KLHL32: variants seen among roughly 807,000 people sequenced by gnomAD.
KLHL32 encodes the protein kelch-like protein 32.
In KLHL32, 35 loss-of-function variants were observed where a neutral mutation model predicts 64.8. That is an observed-to-expected ratio of 0.54 (90% CI 0.41 to 0.72). The LOEUF is 0.72. Ranked by LOEUF, KLHL32 falls within the 30% of genes least tolerant of loss-of-function variation. The pLI is 0.00. For missense variants in KLHL32, 589 were observed against 768.5 expected (o/e 0.77, Z 2.76); for synonymous variants, 259 against 281.0 (o/e 0.92, Z 0.78).
intron 3 of KLHL32, among the ~76,000 whole-genome samples, chr6:96,988,735 A>C (rs13206466): frequency 0.31 from 46,316 of 151,324 alleles, 7,394 homozygotes; most frequent in African/African-American, 0.44. Flanking sequence ...CTGGATTAAG[A>C]AAATGTGGCA....
At chr6:97,038,810 C>A (rs183892558) in intron 3 of KLHL32, among the ~76,000 whole-genome samples, 57 of 152,044 alleles carry the variant, frequency 3.7e-4, no homozygotes, top group East Asian at 3.7e-3. Context: ...GGGCTGGGTG[C>A]AGTAGCTCAC....
At chr6:96,904,208 G>T in the KLHL32 span, among the ~76,000 whole-genome samples, 1 of 151,848 alleles carries the variant, frequency 6.6e-6, no homozygotes, top group Non-Finnish European at 1.5e-5. Context: ...CAGGCATGAT[G>T]GTGCACATCG....
At chr6:97,124,699 C>T (rs144035028) in intron 7 of KLHL32, among the ~76,000 whole-genome samples, 103 of 152,166 alleles carry the variant, frequency 6.8e-4, no homozygotes, top group African/African-American at 2.2e-3. Context: ...GGAGCTTTGC[C>T]CTCGGTTCCA....
intron 1 of KLHL32, among the ~76,000 whole-genome samples, chr6:96,932,790 C>G (rs1483188368): frequency 6.6e-6 from 1 of 151,902 alleles, no homozygotes; most frequent in Non-Finnish European, 1.5e-5. Flanking sequence ...TGGCTGGTCT[C>G]GAGCTCCTGG....
At chr6:97,106,437 G>T (rs190977288) in intron 6 of KLHL32, among the ~76,000 whole-genome samples, 8 of 152,096 alleles carry the variant, frequency 5.3e-5, no homozygotes, top group Admixed American at 2.6e-4. Flanking sequence ...AAATAATCTA[G>T]AACTAAAATA....
intron 5 of KLHL32, among the ~76,000 whole-genome samples, chr6:97,083,330 C>T (rs1792874215): frequency 6.6e-6 from 1 of 151,544 alleles, no homozygotes; most frequent in Non-Finnish European, 1.5e-5. Flanking sequence ...GCAGAGGTTG[C>T]AGTGAGCTGA....
In KLHL32 at chr6:97,052,526, G is replaced by A. The variant is rs144647634; in HGVS notation, c.312+10927G>A. 1.6e-3 allele frequency among the ~76,000 whole-genome samples: 247 copies of A among 152,322 alleles called. 1 individual carries two copies. Among genetic ancestry groups the A allele is most frequent in the African/African-American group, 5.7e-3 (237 of 41,560 alleles). ...GGGGCTTCAATCTGTGTAAACAAAT[G>A]TTTCACTTCTTTGCACACCCAGCAG... On this transcript the variant is annotated intron_variant, in intron 4 of 10. Transcript: ENST00000369261.
At chr6:97,073,507 T>A (rs1791090100) in intron 5 of KLHL32, among the ~76,000 whole-genome samples, 1 of 152,174 alleles carries the variant, frequency 6.6e-6, no homozygotes, top group Non-Finnish European at 1.5e-5. Context: ...GCCCTTTCTA[T>A]AATTAAAACA....
intron 3 of KLHL32, among the ~76,000 whole-genome samples, chr6:97,011,922 T>C (rs1165530565): frequency 6.6e-6 from 1 of 152,252 alleles, no homozygotes; most frequent in African/African-American, 2.4e-5. Flanking sequence ...TTCACATTTG[T>C]TACTTTGTTT....
At position 96,942,690 on chromosome 6, in the gene KLHL32, T is replaced by TGA. The variant is rs1554202844; in HGVS notation, c.-66+17665_-66+17666dup. Among the ~76,000 whole-genome samples, 888 of 146,200 alleles carry TGA rather than the reference T, an allele frequency of 6.1e-3. 7 individuals carry two copies. The highest frequency in any genetic ancestry group is 0.019 in the African/African-American group (779 of 40,232). On this transcript the variant is annotated intron_variant, in intron 1 of 10. Transcript: ENST00000369261. ...GTGTGTGTGTGTGTGTGTGTGTGTGTGATTCAGAATATCCCTTCAGGGTCA... is the reference window on the plus strand; with the variant it reads ...GTGTGTGTGTGTGTGTGTGTGTGTGTGAGATTCAGAATATCCCTTCAGGGTCA...
the KLHL32 span, among the ~76,000 whole-genome samples, chr6:96,912,077 G>A: frequency 2.0e-5 from 3 of 151,916 alleles, no homozygotes; most frequent in African/African-American, 4.8e-5. Context: ...GTAATGTTCT[G>A]AATCTGAACT....
the KLHL32 span, among the ~76,000 whole-genome samples, chr6:96,898,353 C>G: frequency 6.6e-6 from 1 of 152,172 alleles, no homozygotes; most frequent in Non-Finnish European, 1.5e-5. Context: ...GTTGCCCTTT[C>G]CTGCTTTTGT....
the KLHL32 span, among the ~76,000 whole-genome samples, chr6:96,915,367 A>G: frequency 6.6e-6 from 1 of 152,224 alleles, no homozygotes; most frequent in African/African-American, 2.4e-5. Context: ...GATAATAGCT[A>G]TGCTATTGCA....
the KLHL32 span, among the ~76,000 whole-genome samples, chr6:96,903,544 T>C: frequency 6.6e-6 from 1 of 152,188 alleles, no homozygotes; most frequent in Non-Finnish European, 1.5e-5. Flanking sequence ...GGAGGCCATA[T>C]GGCAAGGAAC....
At chr6:97,063,614 G>C (rs1789259839) in intron 4 of KLHL32, among the ~76,000 whole-genome samples, 1 of 152,190 alleles carries the variant, frequency 6.6e-6, no homozygotes, top group Admixed American at 6.5e-5. Flanking sequence ...TAGAGTGGAG[G>C]GGTGAATTGA....
chr6:96,998,548 T>C (rs1377506419), intron 3 of KLHL32, among the ~76,000 whole-genome samples: 1 of 152,206 alleles, frequency 6.6e-6, no homozygotes. Flanking sequence ...CTGTCCTAAA[T>C]AGCAAAGCAT....
intron 3 of KLHL32, among the ~76,000 whole-genome samples, chr6:97,002,245 C>A (rs6568699): frequency 0.25 from 37,266 of 152,056 alleles, 5,899 homozygotes; most frequent in East Asian, 0.53. Flanking sequence ...CTTTTATTCT[C>A]TCCAGGTCTT....
intron 3 of KLHL32, among the ~76,000 whole-genome samples, chr6:97,020,098 G>A (rs892986904): frequency 1.1e-4 from 17 of 151,926 alleles, no homozygotes; most frequent in African/African-American, 3.9e-4. Context: ...GCCAGCCACC[G>A]TGCCAGGCTG....
intron 7 of KLHL32, among the ~76,000 whole-genome samples, chr6:97,114,979 GC>G (rs1436370834): frequency 6.6e-6 from 1 of 152,200 alleles, no homozygotes; most frequent in Non-Finnish European, 1.5e-5. Context: ...ACTATGCTGT[GC>G]ATTGAGAGAA....
Sources: gnomAD v4.1 joint callset for allele counts (sites outside exome capture counted in the v4.1 genomes callset) on GRCh38, gnomAD v4.1.1 for gene constraint, MANE v1.5 for transcripts, NCBI Gene and HGNC (gene_info 2026-07-23, HGNC 2026-07-21) for gene names.